TMED10: variants seen among roughly 807,000 people sequenced by gnomAD.
The protein encoded by TMED10 is transmembrane p24 trafficking protein 10.
In TMED10, 7 loss-of-function variants were observed where a neutral mutation model predicts 23.1. That is an observed-to-expected ratio of 0.30 (90% CI 0.17 to 0.57). The LOEUF is 0.57. Among genes scored for constraint, TMED10 ranks in the 20% least tolerant of loss-of-function variants. TMED10 has a pLI of 0.91. For missense variants in TMED10, 162 were observed against 274.8 expected (o/e 0.59, Z 2.90); for synonymous variants, 113 against 106.9 (o/e 1.06, Z -0.35).
At chr14:75,157,828 TA>T (rs1896038933) in intron 1 of TMED10, among the ~76,000 whole-genome samples, 1 of 151,558 alleles carries the variant, frequency 6.6e-6, no homozygotes, top group South Asian at 2.1e-4. Context: ...TAATCCCAGC[TA>T]CTCAGGAGGC....
intron 1 of TMED10, among the ~76,000 whole-genome samples, chr14:75,163,962 G>C (rs1456923502): frequency 6.6e-6 from 1 of 152,040 alleles, no homozygotes; most frequent in Non-Finnish European, 1.5e-5. Flanking sequence ...AAACTGCCTG[G>C]AACAGTGTTT....
At chr14:75,169,021 A>G (rs1388960664) in intron 1 of TMED10, among the ~76,000 whole-genome samples, 1 of 152,252 alleles carries the variant, frequency 6.6e-6, no homozygotes, top group African/African-American at 2.4e-5. Context: ...TAAGGTGTTC[A>G]GTATAGCTAG....
chr14:75,139,076 T>C, intron 3 of TMED10: 2 of 435,680 alleles, frequency 4.6e-6, no homozygotes, highest in Non-Finnish European at 9.1e-6. Context: ...AAGTCTACCT[T>C]CATGGTTCCT....
intron 1 of TMED10, among the ~76,000 whole-genome samples, chr14:75,169,396 G>A (rs1896202398): frequency 6.6e-6 from 1 of 152,198 alleles, no homozygotes; most frequent in South Asian, 2.1e-4. Context: ...AGGCACAGTG[G>A]CTCACGCCTG....
intron 1 of TMED10, among the ~76,000 whole-genome samples, chr14:75,155,775 A>C (rs538568213): frequency 2.0e-5 from 3 of 152,318 alleles, no homozygotes; most frequent in African/African-American, 4.8e-5. Context: ...TCAGGGTAGA[A>C]GAGACAGCAA....
intron 1 of TMED10, among the ~76,000 whole-genome samples, chr14:75,167,010 C>T (rs759413961): frequency 2.8e-4 from 41 of 147,338 alleles, no homozygotes; most frequent in Non-Finnish European, 5.2e-4. Context: ...GGCGTGATCT[C>T]GGCTCACTGC....
At chr14:75,164,944 T>C (rs1358314306) in intron 1 of TMED10, among the ~76,000 whole-genome samples, 2 of 151,918 alleles carry the variant, frequency 1.3e-5, no homozygotes, top group East Asian at 3.9e-4. Flanking sequence ...TTTTAGCTGA[T>C]AAAAAGAGAG....
At chr14:75,138,814 T>TC (rs1370513840) in intron 3 of TMED10, among the ~76,000 whole-genome samples, 2 of 90,550 alleles carry the variant, frequency 2.2e-5, no homozygotes, top group Admixed American at 1.4e-4. Context: ...CTTTGCTTCT[T>TC]TTTTTTTTTT....
intron 1 of TMED10, among the ~76,000 whole-genome samples, chr14:75,172,321 T>C (rs1896244290): frequency 2.0e-5 from 3 of 152,042 alleles, no homozygotes; most frequent in Admixed American, 1.3e-4. Flanking sequence ...CTTTTTTTTT[T>C]TTTGGAGACA....
intron 1 of TMED10, among the ~76,000 whole-genome samples, chr14:75,157,656 T>C (rs1024144654): frequency 2.7e-5 from 4 of 149,594 alleles, no homozygotes; most frequent in African/African-American, 9.9e-5. Context: ...TCTCAATAAA[T>C]AGCCAGGTGC....
chr14:75,148,925 T>G (rs540526920), intron 2 of TMED10, among the ~76,000 whole-genome samples: 73 of 152,294 alleles, frequency 4.8e-4, no homozygotes, highest in African/African-American at 1.7e-3. Flanking sequence ...TAAAAAAAAT[T>G]TTTTGAGACA....
At chr14:75,145,512 G>A (rs1408464345) in intron 3 of TMED10, among the ~76,000 whole-genome samples, 2 of 152,174 alleles carry the variant, frequency 1.3e-5, no homozygotes, top group African/African-American at 2.4e-5. Context: ...TGGGCTGGGC[G>A]CGGTGCCTCA....
At chr14:75,150,320 G>A (rs1012170858) in intron 2 of TMED10, among the ~76,000 whole-genome samples, 1 of 152,134 alleles carries the variant, frequency 6.6e-6, no homozygotes, top group Non-Finnish European at 1.5e-5. Context: ...TCCTGATTAC[G>A]ACATTGTCCA....
chr14:75,154,400 T>TAAAAAA (rs1895995039), intron 1 of TMED10, among the ~76,000 whole-genome samples: 1 of 674 alleles, frequency 1.5e-3, no homozygotes, highest in Non-Finnish European at 3.8e-3. Flanking sequence ...AGACTCTGTC[T>TAAAAAA]CAAAAAAAAA....
intron 1 of TMED10, among the ~76,000 whole-genome samples, chr14:75,163,552 CAAAAAAA>C (rs758185921): frequency 6.6e-5 from 4 of 60,788 alleles, no homozygotes; most frequent in African/African-American, 2.5e-4. Context: ...GACTCCGTAT[CAAAAAAA>C]AAAAAAAAAA....
chr14:75,152,436 T>C (rs1253020389), intron 1 of TMED10, among the ~76,000 whole-genome samples: 1 of 152,202 alleles, frequency 6.6e-6, no homozygotes. Context: ...GTTACATACA[T>C]TGGATTTATT....
At chr14:75,143,950 AG>A (rs1895852851) in intron 3 of TMED10, among the ~76,000 whole-genome samples, 4 of 150,860 alleles carry the variant, frequency 2.7e-5, no homozygotes, top group African/African-American at 9.7e-5. Context: ...AAAAAAAAAA[AG>A]GACTTTGGAT....
intron 1 of TMED10, among the ~76,000 whole-genome samples, chr14:75,172,496 G>C (rs1896246635): frequency 6.6e-6 from 1 of 152,010 alleles, no homozygotes; most frequent in East Asian, 1.9e-4. Context: ...TTTTAGTAGA[G>C]ACGGGGTTTC....
chr14:75,138,812 C>CTTTTTTTTTTTTTTTTTTTTTTTT (rs59707221), intron 3 of TMED10, among the ~76,000 whole-genome samples: 31 of 95,042 alleles, frequency 3.3e-4, no homozygotes, highest in Non-Finnish European at 4.0e-4. Flanking sequence ...GCCTTTGCTT[C>CTTTTTTTTTTTTTTTTTTTTTTTT]TTTTTTTTTT....
Sources: allele counts gnomAD v4.1 joint callset (sites outside exome capture counted in the v4.1 genomes callset), GRCh38; gene constraint gnomAD v4.1.1; transcripts MANE v1.5; gene names NCBI Gene and HGNC (gene_info 2026-07-23, HGNC 2026-07-21).